SMPD3: variants seen among roughly 807,000 people sequenced by gnomAD.
SMPD3 encodes the protein nSMase-2.
SMPD3 carries 21 observed loss-of-function variants against 55.7 expected under a neutral mutation model. The observed-to-expected ratio is 0.38, with a 90% CI of 0.27 to 0.54. The LOEUF (loss-of-function observed/expected upper bound fraction) is 0.54, where lower values mean the gene tolerates loss of function less well. Among genes scored for constraint, SMPD3 ranks in the 20% least tolerant of loss-of-function variants. The probability of loss-of-function intolerance (pLI) is 0.80; values close to 1 mark genes in which losing one functional copy is unlikely to be tolerated. For synonymous variants in SMPD3, 457 were observed against 404.3 expected, an observed-to-expected ratio of 1.13 and a Z score of -1.56; for missense variants, 842 against 899.6, an observed-to-expected ratio of 0.94 and a Z score of 0.82.
rs770750937 is a variant in SMPD3, at chr16:68,361,320, G to T, written c.1867-13C>A. 2.5e-6 allele frequency: 4 copies of T among 1,603,260 alleles called. No homozygotes were observed. Among genetic ancestry groups the T allele is most frequent in the Non-Finnish European group, 1.7e-6 (2 of 1,174,704 alleles). On this transcript the variant is annotated splice_polypyrimidine_tract_variant and intron_variant, in intron 8 of 8. Coordinates refer to ENST00000219334, the MANE Select transcript of SMPD3 (RefSeq NM_018667.4). Reference sequence around the variant, plus strand: ...ATTCTTCCACCTCCTGGGGTGAGTGGGAGAGGGGAGAAACAGCCTGGTCAG... The same window carrying T: ...ATTCTTCCACCTCCTGGGGTGAGTGTGAGAGGGGAGAAACAGCCTGGTCAG...
chr16:68,402,556 G>T (rs1014208200), intron 1 of SMPD3, among the ~76,000 whole-genome samples: 2 of 152,258 alleles, frequency 1.3e-5, no homozygotes, highest in Admixed American at 6.5e-5. Flanking sequence ...TAGCATGGTA[G>T]GCGCTGTGCC....
intron 2 of SMPD3, among the ~76,000 whole-genome samples, chr16:68,374,534 G>A (rs763725018): frequency 6.6e-6 from 1 of 152,234 alleles, no homozygotes; most frequent in East Asian, 1.9e-4. Context: ...CTCACTCTGC[G>A]GCCAGTGCTC....
At chr16:68,434,667 T>C (rs2090507544) in intron 1 of SMPD3, among the ~76,000 whole-genome samples, 1 of 152,208 alleles carries the variant, frequency 6.6e-6, no homozygotes, top group African/African-American at 2.4e-5. Context: ...TTTCCTTTCT[T>C]TTCTGACTTT....
intron 2 of SMPD3, among the ~76,000 whole-genome samples, chr16:68,384,913 T>G (rs1437944475): frequency 6.6e-6 from 1 of 152,154 alleles, no homozygotes. Flanking sequence ...ACCTGCGGCC[T>G]GCTTGGGACC....
At chr16:68,421,702 T>C (rs1043733442) in intron 1 of SMPD3, among the ~76,000 whole-genome samples, 2 of 152,226 alleles carry the variant, frequency 1.3e-5, no homozygotes, top group East Asian at 1.9e-4. Context: ...TTCCTAGCCA[T>C]TGACATTCCA....
intron 1 of SMPD3, among the ~76,000 whole-genome samples, chr16:68,423,312 A>C (rs2090410915): frequency 6.6e-6 from 1 of 152,144 alleles, no homozygotes; most frequent in South Asian, 2.1e-4. Flanking sequence ...GTGTCCCCCA[A>C]ATTTCTTGTG....
At chr16:68,421,458 G>A (rs546439538) in intron 1 of SMPD3, among the ~76,000 whole-genome samples, 1 of 152,316 alleles carries the variant, frequency 6.6e-6, no homozygotes, top group Admixed American at 6.5e-5. Flanking sequence ...TGTGGGGTGG[G>A]GGATGAAGAG....
At chr16:68,417,536 T>G (rs1327182141) in intron 1 of SMPD3, among the ~76,000 whole-genome samples, 1 of 152,232 alleles carries the variant, frequency 6.6e-6, no homozygotes, top group African/African-American at 2.4e-5. Context: ...TTTTTGAACT[T>G]GGACTTAGGA....
At position 68,359,077 on chromosome 16, in the gene SMPD3, A is replaced by C. The variant is rs1469967851; in HGVS notation, c.*2129T>G. On this transcript the variant is annotated 3_prime_UTR_variant, in exon 9 of 9. Transcript: ENST00000219334. ...GGGAGGGGAGGAGCATGCAGCCCTGACTCCCACGCCTGCTGCCCCGGGAGG... is the reference window on the plus strand; with the variant it reads ...GGGAGGGGAGGAGCATGCAGCCCTGCCTCCCACGCCTGCTGCCCCGGGAGG... 1 of 151,540 alleles carries C rather than the reference A, an allele frequency of 6.6e-6. No individual in the cohort carries two copies. The highest frequency in any genetic ancestry group is 2.4e-5 in the African/African-American group (1 of 40,982). 9.4% of individuals were successfully genotyped at this position (151,540 alleles called of 1,614,324 possible).
rs967617249 is a variant in SMPD3, at chr16:68,447,838, CT to C, written c.-269+514del. Among the ~76,000 whole-genome samples, 8 of 152,126 alleles carry C rather than the reference CT, an allele frequency of 5.3e-5. No homozygotes were observed. Among genetic ancestry groups the C allele is most frequent in the African/African-American group, 1.9e-4 (8 of 41,430 alleles). On this transcript the variant is annotated intron_variant, in intron 1 of 8. Coordinates refer to ENST00000219334, the MANE Select transcript of SMPD3 (RefSeq NM_018667.4). The surrounding 1 kb of genome is among the most constrained non-coding windows in gnomAD (Gnocchi z 5.1). ...GGGGGGCGAGTGTGGAGGAAGGGGC[CT>C]GGGCAAGGGTCTTCCCTGCATCCCA...
chr16:68,373,264 G>A (rs1597610806), intron 2 of SMPD3, among the ~76,000 whole-genome samples: 1 of 152,360 alleles, frequency 6.6e-6, no homozygotes, highest in South Asian at 2.1e-4. Context: ...CCCTGTGGGA[G>A]CCACAAGTGG....
In SMPD3 at chr16:68,370,613, G is replaced by A. The variant is rs550569951; in HGVS notation, c.1323+246C>T. 1.4e-3 allele frequency among the ~76,000 whole-genome samples: 79 copies of A among 57,010 alleles called. No individual in the cohort carries two copies. In the African/African-American group the frequency reaches 0.015, roughly 11 times the overall value. The allele number at this position is 57,010 out of a possible 152,430, so 37.4% of individuals were successfully genotyped here. On this transcript the variant is annotated intron_variant, in intron 3 of 8. Transcript: ENST00000219334. The stretch of plus-strand genomic sequence containing the variant: ...ATGGTGGCTCAGAGATCTGAGGAAC[G>A]GGCCCAGATCACCCAGATGGGTCTG...
At chr16:68,386,692 C>G (rs369701390) in intron 1 of SMPD3, 33 bp from the exon 2 acceptor site, 1 of 152,228 alleles carries the variant, frequency 6.6e-6, no homozygotes, top group African/African-American at 2.4e-5. Flanking sequence ...CAGGGGTGCC[C>G]GGAACAATCT....
rs2090624857 is a variant in SMPD3 at position 68,448,137 on chromosome 16, C to T, written c.-269+216G>A. 2.0e-5 allele frequency among the ~76,000 whole-genome samples: 3 copies of T among 152,186 alleles called. No homozygotes were observed. The South Asian group carries it at 6.2e-4, about 32-fold the overall frequency. On this transcript the variant is annotated intron_variant, in intron 1 of 8. Transcript: ENST00000219334. ...GTGGGGGTGACCCCCAGCCCTCGCC[C>T]CTCATACCCAAGAGCCTTCTCCATG...
In SMPD3 at chr16:68,365,060, T is replaced by C. The variant is rs1392238529; in HGVS notation, c.1356A>G (p.Arg452=). 1 of 1,613,952 alleles carries C rather than the reference T, an allele frequency of 6.2e-7. No homozygotes were observed. The highest frequency in any genetic ancestry group is 1.3e-5 in the African/African-American group (1 of 74,866). Residue 452 remains arginine (R), a synonymous_variant, in exon 4 of 9, where the codon AGA becomes AGG. Coordinates refer to ENST00000219334, the MANE Select transcript of SMPD3 (RefSeq NM_018667.4). ...VQVGSTPQDQ[R]IVGYIACTHL... is the part of the protein sequence containing the mutation. Reference sequence around the variant, plus strand: ...GTGTGCAGGCGATGTACCCGACGATTCTTTGGTCCTGAGGTGTGCTTCCCA... The same window carrying C: ...GTGTGCAGGCGATGTACCCGACGATCCTTTGGTCCTGAGGTGTGCTTCCCA...
intron 1 of SMPD3, among the ~76,000 whole-genome samples, chr16:68,415,217 C>A (rs531936732): frequency 1.6e-4 from 24 of 152,130 alleles, no homozygotes; most frequent in African/African-American, 5.5e-4. Flanking sequence ...AGAGTGAGAC[C>A]CAAAGAGGGC....
At position 68,361,625 on chromosome 16, in the gene SMPD3, C is replaced by G; in HGVS notation, c.1844G>C (p.Gly615Ala). Reference protein sequence around the residue: ...RIDYMLHAEEGLCPDWKAEVE... With the variant: ...RIDYMLHAEEALCPDWKAEVE... ...CACGGCCTTCCAGTCTGGGCACAGCCCCTCCTCTGCATGCAGCATGTAGTC... is the reference window on the plus strand; with the variant it reads ...CACGGCCTTCCAGTCTGGGCACAGCGCCTCCTCTGCATGCAGCATGTAGTC... Residue 615 changes from glycine (G) to alanine (A), a missense_variant, in exon 8 of 9, where the codon GGG becomes GCG. Physicochemically the swap from Gly to Ala is moderately conservative, Grantham distance 60 (BLOSUM62 0). Around this residue, in one of 2 missense-constraint regions of SMPD3, gnomAD observed 649 missense variants for 643.6 expected, o/e 1.01. Transcript: ENST00000219334. The G allele has an allele frequency of 1.2e-6, 2 of 1,609,880 alleles. No homozygotes were observed. The highest frequency in any genetic ancestry group is 1.7e-6 in the Non-Finnish European group (2 of 1,179,948).
At chr16:68,416,131 C>T (rs932057091) in intron 1 of SMPD3, among the ~76,000 whole-genome samples, 2 of 152,194 alleles carry the variant, frequency 1.3e-5, no homozygotes, top group Non-Finnish European at 2.9e-5. Flanking sequence ...ACTCTGAGAC[C>T]AGACCTCTAT....
At chr16:68,413,912 G>A (rs974143032) in intron 1 of SMPD3, among the ~76,000 whole-genome samples, 5 of 152,206 alleles carry the variant, frequency 3.3e-5, no homozygotes, top group Admixed American at 1.3e-4. Flanking sequence ...GGCACCTCCT[G>A]TCAAGGTCTG....
Sources: allele counts gnomAD v4.1 joint callset (sites outside exome capture counted in the v4.1 genomes callset), GRCh38; gene constraint gnomAD v4.1.1; regional missense constraint gnomAD v4.1.1; non-coding constraint Gnocchi (gnomAD v3.1); transcripts MANE v1.5; gene names NCBI Gene and HGNC (gene_info 2026-07-23, HGNC 2026-07-21).